Variants in CCDC60 observed in about 807,000 individuals in gnomAD.
CCDC60 encodes coiled-coil domain-containing protein 60.
CCDC60 carries 54 observed loss-of-function variants against 63.5 expected under a neutral mutation model. The ratio of observed to expected loss-of-function variants is 0.85; its 90% CI spans 0.68 to 1.07. CCDC60 has a LOEUF of 1.07. Among genes scored for constraint, CCDC60 ranks in the 50% least tolerant of loss-of-function variants. The probability of loss-of-function intolerance (pLI) is 0.00; values close to 1 mark genes in which losing one functional copy is unlikely to be tolerated. For missense variants in CCDC60, 651 were observed against 684.3 expected (o/e 0.95, Z 0.54); for synonymous variants, 206 against 238.8 (o/e 0.86, Z 1.27).
chr12:119,370,611 G>C (rs957687483), intron 1 of CCDC60, among the ~76,000 whole-genome samples: 4 of 152,206 alleles, frequency 2.6e-5, no homozygotes, highest in African/African-American at 4.8e-5. Context: ...CTCATCTCAG[G>C]AACAGCTCTG....
intron 2 of CCDC60, among the ~76,000 whole-genome samples, chr12:119,432,180 T>C (rs1178050960): frequency 6.6e-6 from 1 of 152,144 alleles, no homozygotes; most frequent in Admixed American, 6.5e-5. Flanking sequence ...GCTGATGCCT[T>C]GGGAACCTTG....
chr12:119,383,930 C>T (rs1328303421), intron 1 of CCDC60, among the ~76,000 whole-genome samples: 1 of 152,218 alleles, frequency 6.6e-6, no homozygotes, highest in Non-Finnish European at 1.5e-5. Context: ...GGCGCGGTGG[C>T]TCACGCCTGT....
chr12:119,535,669 T>G (rs913940436), intron 13 of CCDC60, among the ~76,000 whole-genome samples: 2 of 152,264 alleles, frequency 1.3e-5, no homozygotes, highest in Non-Finnish European at 2.9e-5. Context: ...CATTTCGTTA[T>G]GTACCCAGTA....
chr12:119,459,530 A>G (rs986150250), intron 2 of CCDC60, among the ~76,000 whole-genome samples: 1 of 152,232 alleles, frequency 6.6e-6, no homozygotes, highest in Non-Finnish European at 1.5e-5. Context: ...TAGCCACAAG[A>G]TTAGAAATTA....
At chr12:119,361,778 A>G (rs1338180553) in intron 1 of CCDC60, among the ~76,000 whole-genome samples, 2 of 152,248 alleles carry the variant, frequency 1.3e-5, no homozygotes, top group Admixed American at 1.3e-4. Flanking sequence ...GCAACAGCCC[A>G]AAATGTGCAC....
At chr12:119,372,231 G>A (rs746760551) in intron 1 of CCDC60, among the ~76,000 whole-genome samples, 1 of 152,038 alleles carries the variant, frequency 6.6e-6, no homozygotes, top group Non-Finnish European at 1.5e-5. Flanking sequence ...CCGCACTCCA[G>A]CCTGGGTGAC....
intron 2 of CCDC60, among the ~76,000 whole-genome samples, chr12:119,458,242 C>T (rs565208947): frequency 6.6e-6 from 1 of 152,298 alleles, no homozygotes; most frequent in South Asian, 2.1e-4. Flanking sequence ...GTAGGCAATT[C>T]CCTTCTGCAA....
In CCDC60 at chr12:119,412,395, C is replaced by T. The variant is rs927961316; in HGVS notation, c.91-16288C>T. Reference sequence around the variant, plus strand: ...TATCTTCTTCCAGGGAGAGAGAAAACGGATGGAAGCCACTTGGGGGCTTAA... The same window carrying T: ...TATCTTCTTCCAGGGAGAGAGAAAATGGATGGAAGCCACTTGGGGGCTTAA... On this transcript the variant is annotated intron_variant, in intron 1 of 13. Coordinates refer to ENST00000327554, the MANE Select transcript of CCDC60 (RefSeq NM_178499.5). Among the ~76,000 whole-genome samples the T allele has an allele frequency of 9.9e-5, 15 of 152,142 alleles. No individual in the cohort carries two copies. The East Asian group carries it at 1.7e-3, about 18-fold the overall frequency.
intron 3 of CCDC60, among the ~76,000 whole-genome samples, chr12:119,476,174 A>C (rs1417495445): frequency 6.6e-6 from 1 of 152,160 alleles, no homozygotes; most frequent in Non-Finnish European, 1.5e-5. Context: ...ACATCCCCAA[A>C]GATTTCTGCC....
At chr12:119,532,396 CTATTATTATTATTAT>C (rs71451846) in intron 13 of CCDC60, among the ~76,000 whole-genome samples, 18 of 142,324 alleles carry the variant, frequency 1.3e-4, no homozygotes, top group East Asian at 1.0e-3. Context: ...CATCACAGAA[CTATTATTATTATTAT>C]TATTATTATT....
rs113342285 is a variant in CCDC60 at position 119,524,041 on chromosome 12, G to A, written c.1229+223G>A. Among the ~76,000 whole-genome samples, 1,037 of 152,194 alleles carry A rather than the reference G, an allele frequency of 6.8e-3. 9 individuals carry two copies. The highest frequency in any genetic ancestry group is 0.024 in the African/African-American group (979 of 41,518). On this transcript the variant is annotated intron_variant, in intron 11 of 13. Transcript: ENST00000327554. ...TCATTGTCCTACAGTAAGAGAACAG[G>A]GTGCTATGAGACAGAGATAGAGAGC...
At chr12:119,445,974 A>C (rs539199491) in intron 2 of CCDC60, among the ~76,000 whole-genome samples, 3 of 152,318 alleles carry the variant, frequency 2.0e-5, no homozygotes, top group African/African-American at 7.2e-5. Context: ...GGTGCAGTGT[A>C]TACTGCTTAG....
chr12:119,425,637 C>T (rs1956886886), intron 1 of CCDC60, among the ~76,000 whole-genome samples: 1 of 152,206 alleles, frequency 6.6e-6, no homozygotes, highest in African/African-American at 2.4e-5. Context: ...TCTGCCTTTC[C>T]TCCATATCAT....
chr12:119,419,187 C>T (rs1184303643), intron 1 of CCDC60, among the ~76,000 whole-genome samples: 1 of 152,258 alleles, frequency 6.6e-6, no homozygotes, highest in African/African-American at 2.4e-5. Flanking sequence ...TCCTCCTTTT[C>T]TCTTTCATGG....
At chr12:119,505,411 A>G (rs1951970940) in intron 7 of CCDC60, 108 bp downstream of exon 7, 1 of 700,202 alleles carries the variant, frequency 1.4e-6, no homozygotes, top group African/African-American at 1.8e-5. Flanking sequence ...TAAAGGTGAC[A>G]TGGGATCCCG....
chr12:119,340,537 C>G (rs1024204239), intron 1 of CCDC60, among the ~76,000 whole-genome samples: 6 of 152,046 alleles, frequency 3.9e-5, no homozygotes, highest in Non-Finnish European at 8.8e-5. Flanking sequence ...ACCCCCTGCC[C>G]CCCACCACCA....
chr12:119,371,959 A>G (rs1478140189), intron 1 of CCDC60, among the ~76,000 whole-genome samples: 1 of 152,162 alleles, frequency 6.6e-6, no homozygotes, highest in Non-Finnish European at 1.5e-5. Flanking sequence ...TTAGAATGGC[A>G]GGTAAGCATG....
rs535638680 is a variant in CCDC60, at chr12:119,468,687, G to T, written c.171-3307G>T. On this transcript the variant is annotated intron_variant, in intron 2 of 13. Coordinates refer to ENST00000327554, the MANE Select transcript of CCDC60 (RefSeq NM_178499.5). ...AAAAAGAAAAACTAAACAATGAAAA[G>T]AATTTTATTTAAAAAATTTAACATA... Among the ~76,000 whole-genome samples the T allele has an allele frequency of 3.6e-4, 11 of 30,150 alleles. No homozygotes were observed. The African/African-American group carries it at 4.1e-3, about 11-fold the overall frequency. 19.8% of individuals were successfully genotyped at this position (30,150 alleles called of 152,430 possible). A position where few individuals can be genotyped will look rare whatever the true frequency, so the allele number is the denominator to read the frequency against.
At chr12:119,389,460 C>A (rs1310715073) in intron 1 of CCDC60, among the ~76,000 whole-genome samples, 3 of 152,112 alleles carry the variant, frequency 2.0e-5, no homozygotes, top group South Asian at 4.1e-4. Flanking sequence ...CTGACTCCAA[C>A]TCTATATTAT....
Sources: gnomAD v4.1 joint callset for allele counts (sites outside exome capture counted in the v4.1 genomes callset) on GRCh38, gnomAD v4.1.1 for gene constraint, MANE v1.5 for transcripts, NCBI Gene and HGNC (gene_info 2026-07-23, HGNC 2026-07-21) for gene names.